ABCA1: variants seen among roughly 807,000 people sequenced by gnomAD.
ABCA1 encodes ATP binding cassette subfamily A member 1.
A neutral mutation model predicts 262.5 loss-of-function variants in ABCA1; 133 were observed. The ratio of observed to expected loss-of-function variants is 0.51; its 90% CI spans 0.44 to 0.59. The LOEUF (loss-of-function observed/expected upper bound fraction) is 0.59. Among genes scored for constraint, ABCA1 ranks in the 20% least tolerant of loss-of-function variants. The probability of loss-of-function intolerance (pLI) is 0.00; values close to 1 mark genes in which losing one functional copy is unlikely to be tolerated. For missense variants in ABCA1, 2,452 were observed against 2,777.5 expected (o/e 0.88, Z 2.63); for synonymous variants, 1,022 against 1,043.5 (o/e 0.98, Z 0.40).
chr9:104,896,587 T>G (rs927506335), intron 2 of ABCA1, among the ~76,000 whole-genome samples: 3 of 151,934 alleles, frequency 2.0e-5, no homozygotes, highest in Admixed American at 2.0e-4. Flanking sequence ...TGGGGGACAA[T>G]GAGCTCCCCC....
chr9:104,803,124 T>G (rs1211911766), intron 33 of ABCA1, among the ~76,000 whole-genome samples, 160 bp downstream of exon 33: 1 of 152,152 alleles, frequency 6.6e-6, no homozygotes, highest in African/African-American at 2.4e-5. Context: ...TCTGTGCCCC[T>G]GTGTGCTCCA....
chr9:104,882,056 A>AAAAAAAAAAAC (rs910844455), intron 5 of ABCA1, among the ~76,000 whole-genome samples: 1 of 144,536 alleles, frequency 6.9e-6, no homozygotes, highest in Non-Finnish European at 1.5e-5. Flanking sequence ...AAAAAAAAAA[A>AAAAAAAAAAAC]ACTCAAATCT....
intron 5 of ABCA1, among the ~76,000 whole-genome samples, chr9:104,872,268 G>A (rs185503427): frequency 1.3e-5 from 2 of 152,314 alleles, no homozygotes; most frequent in East Asian, 3.9e-4. Context: ...CAAACAAGTG[G>A]TAAATTTGAA....
chr9:104,878,438 G>C (rs534382426), intron 5 of ABCA1, among the ~76,000 whole-genome samples: 1 of 152,328 alleles, frequency 6.6e-6, no homozygotes, highest in South Asian at 2.1e-4. Context: ...GTTCTTCCCA[G>C]TTGAAAGATT....
At chr9:104,793,735 C>T (rs1466791950) in intron 40 of ABCA1, among the ~76,000 whole-genome samples, 2 of 151,962 alleles carry the variant, frequency 1.3e-5, no homozygotes, top group Non-Finnish European at 2.9e-5. Context: ...TCAATTAAAC[C>T]ACTAGATTCA....
intron 2 of ABCA1, among the ~76,000 whole-genome samples, chr9:104,902,864 A>G (rs79197426): frequency 3.1e-4 from 47 of 151,716 alleles, no homozygotes; most frequent in Non-Finnish European, 6.0e-4. Flanking sequence ...AGAATCCAGG[A>G]AAAAAAAATA....
At chr9:104,891,922 G>A (rs564342367) in intron 2 of ABCA1, among the ~76,000 whole-genome samples, 7 of 126,732 alleles carry the variant, frequency 5.5e-5, no homozygotes, top group African/African-American at 1.9e-4. Context: ...CTGAGATCAC[G>A]CCACTGCACT....
chr9:104,824,399 C>A (rs959678811), intron 18 of ABCA1, 66 bp downstream of exon 18: 2 of 1,607,974 alleles, frequency 1.2e-6, no homozygotes, highest in Non-Finnish European at 1.7e-6. Flanking sequence ...ACATCGCTTG[C>A]CCCCAACAGT....
At chr9:104,865,657 G>A (rs1837029575) in intron 5 of ABCA1, among the ~76,000 whole-genome samples, 1 of 152,124 alleles carries the variant, frequency 6.6e-6, no homozygotes, top group African/African-American at 2.4e-5. Flanking sequence ...AAATAGCTGT[G>A]TGACTGTGAG....
chr9:104,786,937 A>G lies in ABCA1; in HGVS notation c.6244T>C (p.Phe2082Leu). Residue 2082 changes from phenylalanine (F) to leucine (L), a missense_variant, in exon 47 of 50, where the codon TTC (phenylalanine) becomes CTC (leucine). Coordinates refer to ENST00000374736, the MANE Select transcript of ABCA1 (RefSeq NM_005502.4). Reference sequence around the variant, plus strand: ...ACACTTAGGGCACAATTCCACAAGAACCGCCGGGCTTTGGGATCCATGCCT... The same window carrying G: ...ACACTTAGGGCACAATTCCACAAGAGCCGCCGGGCTTTGGGATCCATGCCT... ...TTGMDPKARR[F>L]LWNCALSVVK... The G allele has an allele frequency of 6.2e-7, 1 of 1,614,030 alleles. No individual in the cohort carries two copies. The highest frequency in any genetic ancestry group is 1.1e-5 in the South Asian group (1 of 91,074).
intron 40 of ABCA1, 66 bp from the exon 41 acceptor site, chr9:104,793,366 T>A (rs1405463452): frequency 6.2e-7 from 1 of 1,609,726 alleles, no homozygotes; most frequent in East Asian, 2.2e-5. Context: ...CTTCCTCAAA[T>A]TTGGGCCTAT....
At chr9:104,875,112 AG>A (rs1209300417) in intron 5 of ABCA1, among the ~76,000 whole-genome samples, 7 of 152,076 alleles carry the variant, frequency 4.6e-5, no homozygotes, top group African/African-American at 1.7e-4. Flanking sequence ...AGAAAGAAGT[AG>A]ACATAGGAGA....
At position 104,826,853 on chromosome 9, in the gene ABCA1, A is replaced by T. The variant is rs4149310; in HGVS notation, c.2337+95T>A. On this transcript the variant is annotated intron_variant, in intron 16 of 49. Transcript: ENST00000374736. ...AGGTTCATGTCCCATTGGAAAAGAC[A>T]ATCATCTTCTGTTCTCAACTTGCTG... The T allele has an allele frequency of 0.22, 257,201 of 1,164,744 alleles. 43,346 individuals are homozygous for T. Among genetic ancestry groups the T allele is most frequent in the East Asian group, 0.7 (28,254 of 40,198 alleles). The allele number at this position is 1,164,744 out of a possible 1,614,324, so 72.2% of individuals were successfully genotyped here. A position where few individuals can be genotyped will look rare whatever the true frequency, so the allele number is the denominator to read the frequency against.
intron 15 of ABCA1, 75 bp downstream of exon 15, chr9:104,828,841 T>C: frequency 1.4e-6 from 2 of 1,470,268 alleles, no homozygotes; most frequent in South Asian, 1.2e-5. Context: ...ATTTTTTTTC[T>C]TCTTCTCCTC....
At chr9:104,789,965 G>A (rs1027949201) in intron 44 of ABCA1, among the ~76,000 whole-genome samples, 9 of 151,964 alleles carry the variant, frequency 5.9e-5, no homozygotes, top group Non-Finnish European at 1.0e-4. Flanking sequence ...GCATTGTGGC[G>A]GGCACCTGTA....
chr9:104,809,403 A>G, intron 30 of ABCA1, 63 bp downstream of exon 30: 1 of 1,443,712 alleles, frequency 6.9e-7, no homozygotes, highest in Non-Finnish European at 9.7e-7. Flanking sequence ...TAAATGCAGC[A>G]TATTAGAAAT....
intron 30 of ABCA1, among the ~76,000 whole-genome samples, chr9:104,807,183 T>C (rs1257272978): frequency 6.6e-6 from 1 of 152,152 alleles, no homozygotes; most frequent in East Asian, 1.9e-4. Flanking sequence ...TTATGCTCGA[T>C]GTGCTGAAAA....
intron 8 of ABCA1, among the ~76,000 whole-genome samples, chr9:104,841,830 T>C (rs1834404889): frequency 6.6e-6 from 1 of 152,362 alleles, no homozygotes; most frequent in Non-Finnish European, 1.5e-5. Context: ...TACATGCAAA[T>C]GTATTCCGGC....
At chr9:104,830,543 A>G (rs1833199642) in intron 14 of ABCA1, among the ~76,000 whole-genome samples, 1 of 151,990 alleles carries the variant, frequency 6.6e-6, no homozygotes, top group African/African-American at 2.4e-5. Flanking sequence ...ACAAAAAGTC[A>G]GCCGGGCGTG....
Sources: gnomAD v4.1 joint callset for allele counts (sites outside exome capture counted in the v4.1 genomes callset) on GRCh38, gnomAD v4.1.1 for gene constraint, MANE v1.5 for transcripts, NCBI Gene and HGNC (gene_info 2026-07-23, HGNC 2026-07-21) for gene names.